PUM2: variants seen among roughly 807,000 people sequenced by gnomAD.
PUM2 encodes the protein pumilio homolog 2.
A neutral mutation model predicts 124.5 loss-of-function variants in PUM2; 57 were observed. The observed-to-expected ratio is 0.46, with a 90% CI of 0.37 to 0.57. The LOEUF (loss-of-function observed/expected upper bound fraction) is 0.57, where lower values mean the gene tolerates loss of function less well. PUM2 is among the 20% of genes least tolerant of loss of function. The pLI, the probability that PUM2 is intolerant of heterozygous loss-of-function variation, is 0.00. For synonymous variants in PUM2, 460 were observed against 446.1 expected, an observed-to-expected ratio of 1.03 and a Z score of -0.39; for missense variants, 1,065 against 1,290.6, an observed-to-expected ratio of 0.83 and a Z score of 2.68.
At chr2:20,328,072 C>G (rs1335439837) in intron 1 of PUM2, among the ~76,000 whole-genome samples, 1 of 152,126 alleles carries the variant, frequency 6.6e-6, no homozygotes, top group East Asian at 1.9e-4. Context: ...TGGTGGCTCA[C>G]GACTATAATC....
At chr2:20,263,498 C>CAA (rs757114662) in intron 13 of PUM2, 38 bp from the exon 14 acceptor site, 1 of 1,551,892 alleles carries the variant, frequency 6.4e-7, no homozygotes, top group South Asian at 1.2e-5. Flanking sequence ...GTATTTTTGA[C>CAA]AAAGTTATTC....
chr2:20,332,872 C>T, intron 1 of PUM2: 1 of 152,092 alleles, frequency 6.6e-6, no homozygotes, highest in East Asian at 1.9e-4. Flanking sequence ...CCATGTACTG[C>T]TTGGGGTATA....
At chr2:20,327,189 C>T (rs1396909077) in intron 2 of PUM2, 121 bp downstream of exon 2, 1 of 689,694 alleles carries the variant, frequency 1.4e-6, no homozygotes, top group Non-Finnish European at 2.5e-6. Context: ...TTAAACCCCT[C>T]CATATAGTTT....
upstream of PUM2, among the ~76,000 whole-genome samples, chr2:20,351,119 C>G (rs780399219): frequency 6.6e-6 from 1 of 152,226 alleles, no homozygotes; most frequent in Non-Finnish European, 1.5e-5. Flanking sequence ...TGTTGCCAAA[C>G]GCTGTGTTCG....
intron 13 of PUM2, among the ~76,000 whole-genome samples, chr2:20,269,357 C>T (rs533654381): frequency 6.6e-6 from 1 of 152,114 alleles, no homozygotes; most frequent in Admixed American, 6.5e-5. Context: ...CCCGCCACCA[C>T]GCCCGGCTAA....
At chr2:20,296,282 T>C (rs1425612458) in intron 8 of PUM2, among the ~76,000 whole-genome samples, 1 of 151,980 alleles carries the variant, frequency 6.6e-6, no homozygotes, top group Non-Finnish European at 1.5e-5. Context: ...GATCACAAGG[T>C]CAGGAGATGG....
At chr2:20,254,755 A>T in intron 19 of PUM2, 108 bp downstream of exon 19, 1 of 1,213,656 alleles carries the variant, frequency 8.2e-7, no homozygotes, top group Non-Finnish European at 1.1e-6. Context: ...GATACCAAAA[A>T]AAAAAGACTA....
chr2:20,283,500 A>G lies in PUM2; in HGVS notation c.1292-14T>C. The stretch of plus-strand genomic sequence containing the variant: ...GTACTTGATAGCCTAAATAAAATAA[A>G]GGTTTACTAATGAAAGCACTTATTA... On this transcript the variant is annotated splice_polypyrimidine_tract_variant and intron_variant, in intron 10 of 20. Transcript: ENST00000361078. 6.3e-7 allele frequency: 1 copy of G among 1,586,062 alleles called. No individual in the cohort carries two copies. Among genetic ancestry groups the G allele is most frequent in the Non-Finnish European group, 8.6e-7 (1 of 1,166,074 alleles).
chr2:20,330,468 T>A (rs1370744536), intron 1 of PUM2, among the ~76,000 whole-genome samples: 1 of 152,138 alleles, frequency 6.6e-6, no homozygotes, highest in Non-Finnish European at 1.5e-5. Context: ...ACTTAGTTGA[T>A]CACGAAGATT....
At chr2:20,267,167 T>G (rs966885638) in intron 13 of PUM2, among the ~76,000 whole-genome samples, 3 of 151,082 alleles carry the variant, frequency 2.0e-5, no homozygotes, top group Admixed American at 6.6e-5. Context: ...GGATTACAGG[T>G]GCGTACCACC....
chr2:20,287,811 T>G (rs1359365761), intron 10 of PUM2, among the ~76,000 whole-genome samples: 1 of 152,210 alleles, frequency 6.6e-6, no homozygotes, highest in Non-Finnish European at 1.5e-5. Context: ...TAAAGGTAAC[T>G]TTGAAGTTGC....
intron 9 of PUM2, 115 bp from the exon 10 acceptor site, chr2:20,290,905 C>A: frequency 1.2e-6 from 1 of 815,114 alleles, no homozygotes; most frequent in Non-Finnish European, 1.8e-6. Flanking sequence ...TAAACATTTA[C>A]ATGCAAGGAA....
At chr2:20,285,634 T>C (rs1321280054) in intron 10 of PUM2, among the ~76,000 whole-genome samples, 5 of 152,168 alleles carry the variant, frequency 3.3e-5, no homozygotes, top group African/African-American at 9.7e-5. Context: ...TTTTCATAAA[T>C]TCATCCATTT....
intron 1 of PUM2, among the ~76,000 whole-genome samples, chr2:20,336,005 A>C (rs1027081346): frequency 1.2e-4 from 18 of 152,190 alleles, no homozygotes; most frequent in Admixed American, 7.9e-4. Flanking sequence ...TGCTGAAGAA[A>C]AGTTGCCTTA....
In PUM2 at chr2:20,283,126, G is replaced by C. The variant is rs768244216; in HGVS notation, c.1541C>G (p.Pro514Arg). 1.2e-6 allele frequency: 2 copies of C among 1,614,016 alleles called. No homozygotes were observed. The highest frequency in any genetic ancestry group is 2.7e-5 in the African/African-American group (2 of 74,924). ...TGAATTAGATTGCAGATTAGTGCTTGGCTGCTGTTGCTGCTGCTGTGGTGG... is the reference window on the plus strand; with the variant it reads ...TGAATTAGATTGCAGATTAGTGCTTCGCTGCTGTTGCTGCTGCTGTGGTGG... ...TQPPQQQQQQ[P>R]STNLQSNSFY... Residue 514 changes from proline (P) to arginine (R), a missense_variant, in exon 12 of 21, where the codon CCA (proline) becomes CGA (arginine). Transcript: ENST00000361078.
At chr2:20,311,172 T>C (rs1483107420) in intron 5 of PUM2, among the ~76,000 whole-genome samples, 1 of 150,974 alleles carries the variant, frequency 6.6e-6, no homozygotes, top group Admixed American at 6.6e-5. Context: ...AAAATCAGAG[T>C]AAACCTACAG....
chr2:20,326,793 TAA>T (rs1381663425), intron 2 of PUM2, among the ~76,000 whole-genome samples: 2 of 152,126 alleles, frequency 1.3e-5, no homozygotes, highest in Non-Finnish European at 2.9e-5. Flanking sequence ...AGCAATATAA[TAA>T]AAGTCTGTAT....
intron 13 of PUM2, among the ~76,000 whole-genome samples, chr2:20,271,651 AC>A (rs1234023125): frequency 1.3e-5 from 2 of 152,116 alleles, no homozygotes; most frequent in Non-Finnish European, 2.9e-5. Flanking sequence ...TATTTAAAAG[AC>A]CCTTAAAGTA....
At chr2:20,340,700 C>A (rs1687054799) in intron 1 of PUM2, among the ~76,000 whole-genome samples, 1 of 152,164 alleles carries the variant, frequency 6.6e-6, no homozygotes, top group Non-Finnish European at 1.5e-5. Flanking sequence ...AGGGTTGAAA[C>A]ACTCATACAT....
Sources: gnomAD v4.1 joint callset for allele counts (sites outside exome capture counted in the v4.1 genomes callset) on GRCh38, gnomAD v4.1.1 for gene constraint, MANE v1.5 for transcripts, NCBI Gene and HGNC (gene_info 2026-07-23, HGNC 2026-07-21) for gene names.